Variants in EEF2K observed in about 807,000 individuals in gnomAD.
EEF2K encodes eukaryotic elongation factor 2 kinase.
Under a neutral mutation model 93.8 loss-of-function variants are expected in EEF2K, and 70 were observed. The ratio of observed to expected loss-of-function variants is 0.75; its 90% CI spans 0.62 to 0.91. The LOEUF is 0.91. Ranked by LOEUF, EEF2K falls within the 40% of genes least tolerant of loss-of-function variation. The probability of loss-of-function intolerance (pLI) is 0.00; values close to 1 mark genes in which losing one functional copy is unlikely to be tolerated. For missense variants in EEF2K, 935 were observed against 972.9 expected, an observed-to-expected ratio of 0.96 and a Z score of 0.52; for synonymous variants, 376 against 380.8, an observed-to-expected ratio of 0.99 and a Z score of 0.15.
intron 1 of EEF2K, among the ~76,000 whole-genome samples, chr16:22,211,775 T>C (rs554513858): frequency 6.6e-6 from 1 of 152,188 alleles, no homozygotes; most frequent in Admixed American, 6.5e-5. Context: ...AACCCAAAAG[T>C]CCTTCTGTTT....
chr16:22,213,473 T>C (rs1475779363), intron 1 of EEF2K, among the ~76,000 whole-genome samples: 1 of 152,226 alleles, frequency 6.6e-6, no homozygotes, highest in Non-Finnish European at 1.5e-5. Flanking sequence ...AAAATGTCTC[T>C]AGACATTGCC....
At chr16:22,265,922 G>A (rs765086317) in intron 13 of EEF2K, among the ~76,000 whole-genome samples, 4 of 152,172 alleles carry the variant, frequency 2.6e-5, no homozygotes, top group South Asian at 4.1e-4. Context: ...GGGAGCTGGC[G>A]AAGGGGTTGG....
chr16:22,234,080 C>A lies in EEF2K; in HGVS notation c.246+8105C>A, dbSNP rs184663454. ...CTTTGCACCCATGAATGGGCGTGCC[C>A]ACCAGAGGACCCCCCCCAGAGGTGA... On this transcript the variant is annotated intron_variant, in intron 2 of 17. Transcript: ENST00000263026. 2.0e-4 allele frequency among the ~76,000 whole-genome samples: 31 copies of A among 152,298 alleles called. 1 individual carries two copies. The highest frequency in any genetic ancestry group is 6.0e-4 in the African/African-American group (25 of 41,562).
chr16:22,277,980 A>C (rs1409984239), intron 16 of EEF2K, among the ~76,000 whole-genome samples: 4 of 151,222 alleles, frequency 2.6e-5, no homozygotes, highest in African/African-American at 9.7e-5. Context: ...TGAGGCAGGA[A>C]AATCACTTGA....
intron 6 of EEF2K, 90 bp downstream of exon 6, chr16:22,251,412 CCTT>C (rs1289473920): frequency 6.4e-6 from 9 of 1,403,154 alleles, no homozygotes; most frequent in East Asian, 5.1e-5. Flanking sequence ...CCCTATTTCA[CCTT>C]CTTTTTTTTT....
At chr16:22,246,161 GCAGCTCACGGAA>G (rs1260176443) in intron 3 of EEF2K, among the ~76,000 whole-genome samples, 3 of 152,172 alleles carry the variant, frequency 2.0e-5, no homozygotes, top group Non-Finnish European at 2.9e-5. Context: ...ACTTGCTGGA[GCAGCTCACGGAA>G]CTCAGGGAAA....
At chr16:22,283,329 A>AGG (rs2047715684) in intron 17 of EEF2K, among the ~76,000 whole-genome samples, 1 of 148,218 alleles carries the variant, frequency 6.7e-6, no homozygotes, top group African/African-American at 2.6e-5. Flanking sequence ...AAAAAAAAAA[A>AGG]AGAAGAAGAA....
At position 22,251,290 on chromosome 16, in the gene EEF2K, G is replaced by A. The variant is rs144705546; in HGVS notation, c.586G>A (p.Glu196Lys). The change falls in exon 6 of 18, where the codon GAG (glutamate) becomes AAG (lysine). Residue 196 changes from glutamate to lysine, a missense_variant. By Grantham distance (56) the Glu-to-Lys change is moderately conservative. Transcript: ENST00000263026. ...RLQMEAKLWG[E>K]EYNRHKPPKQ... is the part of the protein sequence containing the mutation. ...ACAGATGGAGGCCAAGCTCTGGGGG[G>A]AGGAGTATAATCGGCACAAGCCCCC... The A allele has an allele frequency of 8.7e-6, 14 of 1,614,030 alleles. No homozygotes were observed. Among genetic ancestry groups the A allele is most frequent in the Middle Eastern group, 1.6e-4 (1 of 6,082 alleles).
chr16:22,257,000 C>G, intron 7 of EEF2K, 103 bp downstream of exon 7: 1 of 1,533,902 alleles, frequency 6.5e-7, no homozygotes, highest in South Asian at 1.2e-5. Flanking sequence ...GGCTTGGAGT[C>G]TCACCCCCAG....
chr16:22,232,417 A>G (rs1389907493), intron 2 of EEF2K, among the ~76,000 whole-genome samples: 1 of 151,762 alleles, frequency 6.6e-6, no homozygotes, highest in Non-Finnish European at 1.5e-5. Context: ...TTTTGGAACG[A>G]TGGGGTCTCA....
chr16:22,277,899 CAGAAG>C (rs1472600560), intron 16 of EEF2K, among the ~76,000 whole-genome samples: 2 of 152,052 alleles, frequency 1.3e-5, no homozygotes, highest in Non-Finnish European at 2.9e-5. Context: ...CATCACCTGG[CAGAAG>C]AGAAGGAGAG....
intron 1 of EEF2K, among the ~76,000 whole-genome samples, chr16:22,210,540 C>T (rs946092770): frequency 2.0e-5 from 3 of 152,262 alleles, no homozygotes; most frequent in African/African-American, 4.8e-5. Context: ...CTTTTAGAAG[C>T]GCTGGTTAAG....
chr16:22,217,228 T>TAGATAGAGAGAG (rs1555468299), intron 1 of EEF2K, among the ~76,000 whole-genome samples: 2 of 136,072 alleles, frequency 1.5e-5, no homozygotes, highest in Non-Finnish European at 3.1e-5. Context: ...GATAGATAGA[T>TAGATAGAGAGAG]AGAGAGAGAG....
chr16:22,223,420 A>G (rs1180923946), intron 1 of EEF2K, among the ~76,000 whole-genome samples: 2 of 152,072 alleles, frequency 1.3e-5, no homozygotes, highest in African/African-American at 2.4e-5. Context: ...TTGGGATTAT[A>G]GGCATGCACC....
intron 16 of EEF2K, among the ~76,000 whole-genome samples, chr16:22,274,368 C>T (rs530200420): frequency 4.0e-5 from 6 of 150,456 alleles, no homozygotes; most frequent in East Asian, 3.9e-4. Context: ...CGCTTGAACC[C>T]GGGAGGCGGA....
In EEF2K at chr16:22,225,697, A is replaced by T. The variant is rs1252694790; in HGVS notation, c.-33A>T. The T allele has an allele frequency of 6.2e-6, 10 of 1,608,486 alleles. No homozygotes were observed. In the African/African-American group the frequency reaches 8.0e-5, roughly 13 times the overall value. ...TGTCCAGTAACTCTGGCTGTGCCGG[A>T]TACTGCTTGGGTAAAACGGGCACCC... On this transcript the variant is annotated 5_prime_UTR_variant, in exon 2 of 18. Transcript: ENST00000263026.
chr16:22,225,293 G>A (rs2047051611), intron 1 of EEF2K, among the ~76,000 whole-genome samples: 1 of 152,158 alleles, frequency 6.6e-6, no homozygotes, highest in African/African-American at 2.4e-5. Flanking sequence ...GCCTTACCAA[G>A]GCATTTGGAT....
intron 2 of EEF2K, among the ~76,000 whole-genome samples, chr16:22,231,954 C>T (rs1225383561): frequency 2.0e-5 from 3 of 147,734 alleles, no homozygotes; most frequent in Non-Finnish European, 3.0e-5. Context: ...CGCGCCATTG[C>T]ACTCCAGCCT....
chr16:22,253,316 T>G (rs1363986353), intron 6 of EEF2K, among the ~76,000 whole-genome samples: 1 of 152,180 alleles, frequency 6.6e-6, no homozygotes, highest in East Asian at 1.9e-4. Flanking sequence ...GTCTCCTGGG[T>G]GTGCAGAATT....
Sources: allele counts gnomAD v4.1 joint callset (sites outside exome capture counted in the v4.1 genomes callset), GRCh38; gene constraint gnomAD v4.1.1; transcripts MANE v1.5; gene names NCBI Gene and HGNC (gene_info 2026-07-23, HGNC 2026-07-21).